Variants in GNG12 observed in about 807,000 individuals in gnomAD.
GNG12 encodes guanine nucleotide-binding protein G(I)/G(S)/G(O) subunit gamma-12.
For missense variants in GNG12, 69 were observed against 83.8 expected (o/e 0.82, Z 0.69); for synonymous variants, 28 against 29.7 (o/e 0.94, Z 0.19).
intron 2 of GNG12, among the ~76,000 whole-genome samples, chr1:67,771,106 G>T (rs79239954): frequency 0.076 from 11,617 of 152,190 alleles, 461 homozygotes; most frequent in Admixed American, 0.1. Flanking sequence ...GCCTGATCAA[G>T]TTATTATCAG....
intron 2 of GNG12, among the ~76,000 whole-genome samples, chr1:67,731,333 T>C (rs1183852288): frequency 6.6e-6 from 1 of 152,226 alleles, no homozygotes; most frequent in Non-Finnish European, 1.5e-5. Flanking sequence ...AGGAGCTTTC[T>C]ATCCAGTAGA....
At chr1:67,820,467 A>G (rs1646978907) in intron 1 of GNG12, among the ~76,000 whole-genome samples, 1 of 152,136 alleles carries the variant, frequency 6.6e-6, no homozygotes, top group African/African-American at 2.4e-5. Flanking sequence ...AAAAATAGCA[A>G]AGAAACATCC....
chr1:67,766,238 T>C (rs1188819521), intron 2 of GNG12, among the ~76,000 whole-genome samples: 1 of 151,446 alleles, frequency 6.6e-6, no homozygotes, highest in African/African-American at 2.4e-5. Flanking sequence ...ATCAGAACAA[T>C]AAAAATGCCC....
At chr1:67,787,762 G>A (rs979976984) in intron 1 of GNG12, among the ~76,000 whole-genome samples, 1 of 152,170 alleles carries the variant, frequency 6.6e-6, no homozygotes, top group Admixed American at 6.5e-5. Context: ...CTAAGAGGAC[G>A]GCAGAATTAT....
chr1:67,769,315 GGGCACGTT>G (rs1646659120), intron 2 of GNG12, among the ~76,000 whole-genome samples: 1 of 152,130 alleles, frequency 6.6e-6, no homozygotes, highest in African/African-American at 2.4e-5. Context: ...TGAAAAAGGA[GGGCACGTT>G]GGCAGGGAGG....
At position 67,707,607 on chromosome 1, in the gene GNG12, A is replaced by G. The variant is rs1646257312; in HGVS notation, c.80T>C (p.Ile27Thr). ...GGGGCTTCTTACCTTTATTCTTTCA[A>G]TGGAGGCTTCTAATCTTAACTGCTG... ...TVQQLRLEAS[I>T]ERIKVSKASA... is the part of the protein sequence containing the mutation. The change falls in exon 3 of 4, where the codon ATT (isoleucine) becomes ACT (threonine). Residue 27 changes from isoleucine to threonine, a missense_variant. By Grantham distance (89) the Ile-to-Thr change is moderately conservative. Coordinates refer to ENST00000370982, the MANE Select transcript of GNG12 (RefSeq NM_018841.6). 3 of 1,580,528 alleles carry G rather than the reference A, an allele frequency of 1.9e-6. No individual in the cohort carries two copies. The highest frequency in any genetic ancestry group is 2.6e-6 in the Non-Finnish European group (3 of 1,153,000).
intron 2 of GNG12, among the ~76,000 whole-genome samples, chr1:67,740,171 T>C (rs1055374862): frequency 3.3e-5 from 5 of 152,178 alleles, no homozygotes; most frequent in Non-Finnish European, 7.3e-5. Flanking sequence ...ACTCACAGAG[T>C]ATATAAGATT....
At chr1:67,720,806 T>C (rs1002177663) in intron 2 of GNG12, among the ~76,000 whole-genome samples, 1 of 152,240 alleles carries the variant, frequency 6.6e-6, no homozygotes, top group Non-Finnish European at 1.5e-5. Flanking sequence ...ACAACTGTTA[T>C]CAGCTTTTCC....
intron 2 of GNG12, among the ~76,000 whole-genome samples, chr1:67,707,987 T>C (rs1021768042): frequency 2.6e-5 from 4 of 152,138 alleles, no homozygotes; most frequent in African/African-American, 9.7e-5. Context: ...AAACTAGACT[T>C]TTCTAGGATT....
At chr1:67,802,267 G>A (rs1187088185) in intron 1 of GNG12, among the ~76,000 whole-genome samples, 1 of 152,198 alleles carries the variant, frequency 6.6e-6, no homozygotes, top group Non-Finnish European at 1.5e-5. Context: ...CAGGGTGAAA[G>A]ATCAATATTG....
chr1:67,782,061 G>C (rs1646740557), intron 1 of GNG12, among the ~76,000 whole-genome samples: 1 of 152,116 alleles, frequency 6.6e-6, no homozygotes, highest in Non-Finnish European at 1.5e-5. Flanking sequence ...AACAGCACAG[G>C]TACTATATGG....
At chr1:67,709,937 TATATATATATAG>T (rs1646275582) in intron 2 of GNG12, among the ~76,000 whole-genome samples, 11 of 18,756 alleles carry the variant, frequency 5.9e-4, no homozygotes, top group African/African-American at 1.7e-3. Flanking sequence ...TATATATAGT[TATATATATATAG>T]TTATATATAT....
rs1169794697 is a variant in GNG12, at chr1:67,703,431, A to G, written c.*2020T>C. The G allele has an allele frequency of 6.6e-6, 1 of 152,220 alleles. No homozygotes were observed. Among genetic ancestry groups the G allele is most frequent in the Non-Finnish European group, 1.5e-5 (1 of 68,042 alleles). 9.4% of individuals were successfully genotyped at this position (152,220 alleles called of 1,614,324 possible). A position where few individuals can be genotyped will look rare whatever the true frequency, so the allele number is the denominator to read the frequency against. On this transcript the variant is annotated 3_prime_UTR_variant, in exon 4 of 4. Transcript: ENST00000370982. ...TATTTTGAAAGAAGCTACATTATAAATATTTAAAGAAACGTTAAAAATCAG... is the reference window on the plus strand; with the variant it reads ...TATTTTGAAAGAAGCTACATTATAAGTATTTAAAGAAACGTTAAAAATCAG...
At chr1:67,781,983 C>T (rs1570543738) in intron 1 of GNG12, among the ~76,000 whole-genome samples, 2 of 152,118 alleles carry the variant, frequency 1.3e-5, no homozygotes, top group African/African-American at 2.4e-5. Flanking sequence ...CAATTAAAAA[C>T]TCACTTCCCC....
chr1:67,728,548 T>A (rs1289515285), intron 2 of GNG12, among the ~76,000 whole-genome samples: 2 of 152,144 alleles, frequency 1.3e-5, no homozygotes, highest in East Asian at 1.9e-4. Flanking sequence ...ATCATAATGA[T>A]CAATACGGGG....
chr1:67,727,229 G>T (rs1164677139), intron 2 of GNG12, among the ~76,000 whole-genome samples: 1 of 152,184 alleles, frequency 6.6e-6, no homozygotes, highest in Non-Finnish European at 1.5e-5. Context: ...CACTCAATGG[G>T]TCCAGGGATT....
chr1:67,768,657 T>C (rs1646655118), intron 2 of GNG12, among the ~76,000 whole-genome samples: 1 of 152,204 alleles, frequency 6.6e-6, no homozygotes, highest in Admixed American at 6.5e-5. Flanking sequence ...AGGCAAATGA[T>C]ATGATGCCCA....
intron 2 of GNG12, among the ~76,000 whole-genome samples, chr1:67,768,898 C>G (rs1056726145): frequency 6.6e-6 from 1 of 152,104 alleles, no homozygotes; most frequent in Admixed American, 6.6e-5. Flanking sequence ...GCTTTTAGGC[C>G]AAGAGAATAT....
chr1:67,747,159 G>A (rs1351480989), intron 2 of GNG12, among the ~76,000 whole-genome samples: 2 of 152,132 alleles, frequency 1.3e-5, no homozygotes, highest in Non-Finnish European at 2.9e-5. Context: ...TTGCTCTGTT[G>A]CCCAGGCTGG....
Sources: allele counts gnomAD v4.1 joint callset (sites outside exome capture counted in the v4.1 genomes callset), GRCh38; gene constraint gnomAD v4.1.1; transcripts MANE v1.5; gene names NCBI Gene and HGNC (gene_info 2026-07-23, HGNC 2026-07-21).